MACROD2: variants seen among roughly 807,000 people sequenced by gnomAD.
MACROD2 encodes the protein ADP-ribose glycohydrolase MACROD2.
Under a neutral mutation model 70.4 loss-of-function variants are expected in MACROD2, and 36 were observed. The observed-to-expected ratio is 0.51, with a 90% CI of 0.39 to 0.68. The LOEUF is 0.68. MACROD2 is among the 30% of genes least tolerant of loss of function. The pLI is 0.00. For missense variants in MACROD2, 496 were observed against 538.4 expected, an observed-to-expected ratio of 0.92 and a Z score of 0.78; for synonymous variants, 172 against 178.8, an observed-to-expected ratio of 0.96 and a Z score of 0.30.
At chr20:15,174,166 T>G (rs1323298589) in intron 5 of MACROD2, among the ~76,000 whole-genome samples, 2 of 152,170 alleles carry the variant, frequency 1.3e-5, no homozygotes, top group Non-Finnish European at 2.9e-5. Context: ...AATGACAAAT[T>G]TTTATTATTT....
chr20:15,285,685 G>A (rs1262628523), intron 6 of MACROD2, among the ~76,000 whole-genome samples: 1 of 152,060 alleles, frequency 6.6e-6, no homozygotes, highest in Non-Finnish European at 1.5e-5. Context: ...ACCTGTACTG[G>A]TTTTAGGTAT....
intron 4 of MACROD2, among the ~76,000 whole-genome samples, chr20:14,515,444 A>G (rs1383289422): frequency 2.9e-5 from 2 of 69,194 alleles, no homozygotes; most frequent in Middle Eastern, 7.2e-3. Flanking sequence ...TGAATAAAGA[A>G]TATGTGAGAT....
chr20:14,805,165 C>A (rs530251126), intron 5 of MACROD2, among the ~76,000 whole-genome samples: 2 of 152,084 alleles, frequency 1.3e-5, no homozygotes, highest in East Asian at 3.9e-4. Flanking sequence ...GAAAATCCTA[C>A]CTCCTGTGGT....
intron 2 of MACROD2, among the ~76,000 whole-genome samples, chr20:14,076,393 G>A (rs1249765883): frequency 6.6e-6 from 1 of 152,090 alleles, no homozygotes; most frequent in African/African-American, 2.4e-5. Flanking sequence ...GATCACACCT[G>A]TAATCCCAGC....
chr20:14,689,375 T>G (rs1336747647), intron 5 of MACROD2, among the ~76,000 whole-genome samples: 1 of 152,228 alleles, frequency 6.6e-6, no homozygotes. Flanking sequence ...TTCTTCATTT[T>G]TCTAATGTAT....
intron 5 of MACROD2, among the ~76,000 whole-genome samples, chr20:14,711,609 G>A (rs997418595): frequency 6.6e-6 from 1 of 152,054 alleles, no homozygotes; most frequent in Admixed American, 6.6e-5. Context: ...CAAAACTAAC[G>A]AGTGTTTGTC....
At chr20:15,140,001 C>A (rs138789253) in intron 5 of MACROD2, among the ~76,000 whole-genome samples, 26 of 152,246 alleles carry the variant, frequency 1.7e-4, no homozygotes, top group African/African-American at 5.5e-4. Context: ...GCAGCAAGCC[C>A]AACTGTTTAT....
At chr20:14,762,848 T>G (rs993449166) in intron 5 of MACROD2, among the ~76,000 whole-genome samples, 10 of 152,082 alleles carry the variant, frequency 6.6e-5, no homozygotes, top group African/African-American at 2.4e-4. Flanking sequence ...AAAAACTGCT[T>G]GAACCCAGGA....
chr20:14,587,470 A>G (rs1056961353), intron 4 of MACROD2, among the ~76,000 whole-genome samples: 5 of 151,824 alleles, frequency 3.3e-5, no homozygotes, highest in Non-Finnish European at 7.4e-5. Context: ...ATTCTTAGTT[A>G]AGTTCAGACA....
chr20:15,146,202 A>G (rs2076228992), intron 5 of MACROD2, among the ~76,000 whole-genome samples: 1 of 152,096 alleles, frequency 6.6e-6, no homozygotes. Flanking sequence ...CTCTTGAGGC[A>G]TCTATTTTGA....
chr20:15,817,952 A>C (rs1159301906), intron 8 of MACROD2, among the ~76,000 whole-genome samples: 2 of 152,020 alleles, frequency 1.3e-5, no homozygotes, highest in Non-Finnish European at 2.9e-5. Flanking sequence ...GTTCCCCCAA[A>C]AGCTATGCTT....
At chr20:15,632,074 G>T (rs1053681055) in intron 8 of MACROD2, among the ~76,000 whole-genome samples, 1 of 152,054 alleles carries the variant, frequency 6.6e-6, no homozygotes, top group Non-Finnish European at 1.5e-5. Flanking sequence ...GGGAGGTGGA[G>T]GTTGCACTGA....
chr20:15,205,302 A>C (rs1169043692), intron 5 of MACROD2, among the ~76,000 whole-genome samples: 5 of 152,240 alleles, frequency 3.3e-5, no homozygotes, highest in African/African-American at 1.2e-4. Context: ...AATCAGTAAC[A>C]GTGAACTTTG....
intron 3 of MACROD2, among the ~76,000 whole-genome samples, chr20:14,411,329 GTAGT>G (rs2122866265): frequency 1.3e-5 from 2 of 152,180 alleles, no homozygotes; most frequent in South Asian, 4.2e-4. Context: ...GGGTTAGGGA[GTAGT>G]TAGTCACCGG....
chr20:14,170,114 G>A (rs576326189), intron 3 of MACROD2, among the ~76,000 whole-genome samples: 238 of 152,162 alleles, frequency 1.6e-3, no homozygotes, highest in Admixed American at 5.5e-3. Flanking sequence ...GACTGGTCTC[G>A]AACTCCTGAT....
intron 16 of MACROD2, among the ~76,000 whole-genome samples, chr20:16,041,805 C>T (rs933072634): frequency 1.3e-5 from 2 of 152,002 alleles, no homozygotes; most frequent in African/African-American, 4.8e-5. Context: ...TAAAAACTTA[C>T]ATCTAATTTT....
chr20:14,664,097 C>A (rs1432204131), intron 4 of MACROD2, among the ~76,000 whole-genome samples: 1 of 151,986 alleles, frequency 6.6e-6, no homozygotes, highest in Non-Finnish European at 1.5e-5. Flanking sequence ...TTTTGAAATT[C>A]TTCTTTTCCA....
At chr20:15,718,486 G>A (rs2050738244) in intron 8 of MACROD2, among the ~76,000 whole-genome samples, 1 of 152,208 alleles carries the variant, frequency 6.6e-6, no homozygotes, top group Non-Finnish European at 1.5e-5. Context: ...TCAGGAATAG[G>A]TAGTATTTGT....
At chr20:16,004,635 G>A (rs186720163) in intron 15 of MACROD2, among the ~76,000 whole-genome samples, 90 of 152,284 alleles carry the variant, frequency 5.9e-4, no homozygotes, top group African/African-American at 2.1e-3. Flanking sequence ...CCTTTATCTC[G>A]GCTGTTTGCT....
Sources: allele counts gnomAD v4.1 joint callset (sites outside exome capture counted in the v4.1 genomes callset), GRCh38; gene constraint gnomAD v4.1.1; transcripts MANE v1.5; gene names NCBI Gene and HGNC (gene_info 2026-07-23, HGNC 2026-07-21).